The following ROBO1 variants were observed in gnomAD, a reference collection of about 807,000 sequenced individuals.
The protein encoded by ROBO1 is roundabout guidance receptor 1.
A neutral mutation model predicts 195.9 loss-of-function variants in ROBO1; 149 were observed. That is an observed-to-expected ratio of 0.76 (90% CI 0.67 to 0.87). ROBO1 has a LOEUF of 0.87. Among genes scored for constraint, ROBO1 ranks in the 40% least tolerant of loss-of-function variants. ROBO1 has a pLI of 0.00. For synonymous variants in ROBO1, 816 were observed against 733.2 expected (o/e 1.11, Z -1.82); for missense variants, 1,933 against 2,068.3 (o/e 0.93, Z 1.27).
intron 2 of ROBO1, among the ~76,000 whole-genome samples, chr3:79,425,235 T>C (rs969368925): frequency 1.3e-5 from 2 of 152,200 alleles, no homozygotes; most frequent in Non-Finnish European, 2.9e-5. Context: ...GAAAAGGTCA[T>C]GGACAGAAAC....
At chr3:79,620,796 A>T (rs1317275399) in intron 1 of ROBO1, among the ~76,000 whole-genome samples, 1 of 151,914 alleles carries the variant, frequency 6.6e-6, no homozygotes, top group Non-Finnish European at 1.5e-5. Flanking sequence ...CTCAACACCA[A>T]TATCCCATTC....
At chr3:79,355,187 C>CAAAA (rs750719790) in intron 2 of ROBO1, among the ~76,000 whole-genome samples, 2 of 145,954 alleles carry the variant, frequency 1.4e-5, no homozygotes, top group East Asian at 4.0e-4. Flanking sequence ...AACAAACAAA[C>CAAAA]AAAAAAAAAA....
At chr3:78,666,642 A>G (rs1434031450) in intron 14 of ROBO1, among the ~76,000 whole-genome samples, 1 of 152,194 alleles carries the variant, frequency 6.6e-6, no homozygotes, top group Non-Finnish European at 1.5e-5. Context: ...AATAGCAAAT[A>G]TGAGCTATGG....
intron 2 of ROBO1, among the ~76,000 whole-genome samples, chr3:79,172,220 T>C (rs972336352): frequency 6.6e-6 from 1 of 152,182 alleles, no homozygotes; most frequent in Admixed American, 6.5e-5. Flanking sequence ...AGCATTTCAG[T>C]TACTTAGGAG....
At chr3:79,688,179 T>C (rs980240559) in intron 1 of ROBO1, among the ~76,000 whole-genome samples, 1 of 126,074 alleles carries the variant, frequency 7.9e-6, no homozygotes, top group Non-Finnish European at 1.6e-5. Flanking sequence ...TGAAAACACA[T>C]GGACACAGGA....
intron 3 of ROBO1, among the ~76,000 whole-genome samples, chr3:79,019,859 T>TA (rs760605704): frequency 0.014 from 2,120 of 146,966 alleles, 21 homozygotes; most frequent in African/African-American, 0.037. Flanking sequence ...CATTCCCATT[T>TA]AAAAAAAAAA....
At chr3:79,387,447 TTATA>T (rs1486177633) in intron 2 of ROBO1, among the ~76,000 whole-genome samples, 2 of 150,232 alleles carry the variant, frequency 1.3e-5, no homozygotes, top group Non-Finnish European at 3.0e-5. Context: ...TATATGCATG[TTATA>T]TATAATATAT....
chr3:79,534,471 A>G (rs1305480997), intron 2 of ROBO1, among the ~76,000 whole-genome samples: 1 of 152,102 alleles, frequency 6.6e-6, no homozygotes, highest in Non-Finnish European at 1.5e-5. Context: ...TTCTTAGCTA[A>G]CATCATGAAA....
intron 2 of ROBO1, among the ~76,000 whole-genome samples, chr3:79,183,829 T>C (rs1415918947): frequency 2.6e-5 from 4 of 152,178 alleles, no homozygotes; most frequent in Admixed American, 6.5e-5. Flanking sequence ...AGATATAACA[T>C]TAGTGAATTA....
At chr3:78,898,306 C>A (rs2037362400) in intron 4 of ROBO1, among the ~76,000 whole-genome samples, 1 of 146,236 alleles carries the variant, frequency 6.8e-6, no homozygotes, top group South Asian at 2.1e-4. Flanking sequence ...AAGTGCAATA[C>A]ACAAGTCCTC....
intron 2 of ROBO1, among the ~76,000 whole-genome samples, chr3:79,350,996 G>A (rs897597531): frequency 2.0e-5 from 3 of 152,008 alleles, no homozygotes; most frequent in Non-Finnish European, 2.9e-5. Context: ...CACCCAGGAG[G>A]ATTTCTTTTT....
At chr3:78,733,379 C>T (rs1368336221) in intron 5 of ROBO1, among the ~76,000 whole-genome samples, 6 of 151,630 alleles carry the variant, frequency 4.0e-5, no homozygotes, top group Non-Finnish European at 8.8e-5. Context: ...AAATCAAATG[C>T]CCTTTTGAAT....
At chr3:78,614,878 C>T (rs1038890057) in intron 27 of ROBO1, 78 bp from the exon 28 acceptor site, 3 of 1,344,490 alleles carry the variant, frequency 2.2e-6, no homozygotes, top group Non-Finnish European at 2.0e-6. Context: ...AAAAAGAAAA[C>T]ATTAAAACCA....
intron 2 of ROBO1, among the ~76,000 whole-genome samples, chr3:79,419,780 T>C (rs964304629): frequency 6.6e-6 from 1 of 151,950 alleles, no homozygotes; most frequent in African/African-American, 2.4e-5. Context: ...AGCCTTTGGG[T>C]TTGAATATTA....
chr3:78,834,776 A>T (rs2032549898), intron 4 of ROBO1, among the ~76,000 whole-genome samples: 1 of 152,038 alleles, frequency 6.6e-6, no homozygotes, highest in Non-Finnish European at 1.5e-5. Flanking sequence ...CAAATTCTTG[A>T]CTTCATTTTT....
chr3:78,829,637 T>TC (rs1226270460), intron 4 of ROBO1, among the ~76,000 whole-genome samples: 1 of 152,130 alleles, frequency 6.6e-6, no homozygotes, highest in Non-Finnish European at 1.5e-5. Flanking sequence ...ACTAATGATT[T>TC]CCCCCTCTAC....
At chr3:79,419,075 G>T (rs145095068) in intron 2 of ROBO1, among the ~76,000 whole-genome samples, 1 of 152,240 alleles carries the variant, frequency 6.6e-6, no homozygotes, top group African/African-American at 2.4e-5. Flanking sequence ...TATTTGTAGA[G>T]AAATCCGTAG....
At chr3:78,822,289 G>C (rs182361372) in intron 4 of ROBO1, among the ~76,000 whole-genome samples, 1 of 152,222 alleles carries the variant, frequency 6.6e-6, no homozygotes, top group Admixed American at 6.5e-5. Flanking sequence ...GGGTGGACTA[G>C]TATCATCCAC....
chr3:78,726,542 T>C (rs552834005), intron 5 of ROBO1, among the ~76,000 whole-genome samples: 12 of 152,168 alleles, frequency 7.9e-5, no homozygotes, highest in Non-Finnish European at 1.6e-4. Context: ...TTAAGTGAGA[T>C]GAGAGGTTTT....
Sources: allele counts gnomAD v4.1 joint callset (sites outside exome capture counted in the v4.1 genomes callset), GRCh38; gene constraint gnomAD v4.1.1; transcripts MANE v1.5; gene names NCBI Gene and HGNC (gene_info 2026-07-23, HGNC 2026-07-21).